RIC1: variants seen among roughly 807,000 people sequenced by gnomAD.
The protein encoded by RIC1 is RIC1 partner of RAB6A GEF complex.
A neutral mutation model predicts 169.0 loss-of-function variants in RIC1; 88 were observed. The ratio of observed to expected loss-of-function variants is 0.52; its 90% CI spans 0.44 to 0.62. The LOEUF (loss-of-function observed/expected upper bound fraction) is 0.62. Among genes scored for constraint, RIC1 ranks in the 20% least tolerant of loss-of-function variants. RIC1 has a pLI of 0.00. For synonymous variants in RIC1, 790 were observed against 601.5 expected (o/e 1.31, Z -4.59); for missense variants, 1,877 against 1,725.5 (o/e 1.09, Z -1.56).
At position 5,738,493 on chromosome 9, in the gene RIC1, A is replaced by C; in HGVS notation, c.856A>C (p.Met286Leu). 4 of 1,602,956 alleles carry C rather than the reference A, an allele frequency of 2.5e-6. No individual in the cohort carries two copies. Among genetic ancestry groups the C allele is most frequent in the Non-Finnish European group, 3.4e-6 (4 of 1,176,898 alleles). Residue 286 changes from methionine (M) to leucine (L), a missense_variant, in exon 8 of 26, where the codon ATG becomes CTG. Physicochemically the swap from Met to Leu is conservative, Grantham distance 15. Coordinates refer to ENST00000414202, the MANE Select transcript of RIC1 (RefSeq NM_020829.4). ...VYTIDNSTGA[M>L]LLSHKLELTA... ...TACAATAGATAACAGCACTGGAGCCATGCTGCTATCTCATAAATTAGAGCT... is the reference window on the plus strand; with the variant it reads ...TACAATAGATAACAGCACTGGAGCCCTGCTGCTATCTCATAAATTAGAGCT...
chr9:5,772,411 T>C (rs1827283430), intron 23 of RIC1, among the ~76,000 whole-genome samples, 153 bp from the exon 24 acceptor site: 1 of 152,232 alleles, frequency 6.6e-6, no homozygotes, highest in South Asian at 2.1e-4. Context: ...TTAAATGTTT[T>C]CTATGTTCAC....
In RIC1 at chr9:5,763,950, G is replaced by A. The variant is rs553694026; in HGVS notation, c.2841+82G>A. ...TAGAAATGTCCTGTTTTGACACCATGATTGTGTTTAAGGAATTCATAGTCA... is the reference window on the plus strand; with the variant it reads ...TAGAAATGTCCTGTTTTGACACCATAATTGTGTTTAAGGAATTCATAGTCA... On this transcript the variant is annotated intron_variant, in intron 19 of 25. Transcript: ENST00000414202. This position sits in a 1 kb window ranked among gnomAD's most constrained non-coding sequence, Gnocchi z 5.2. The A allele has an allele frequency of 6.9e-7, 1 of 1,439,614 alleles. No homozygotes were observed. Among genetic ancestry groups the A allele is most frequent in the Admixed American group, 2.3e-5 (1 of 44,036 alleles). 89.2% of individuals were successfully genotyped at this position (1,439,614 alleles called of 1,614,324 possible). A position where few individuals can be genotyped will look rare whatever the true frequency, so the allele number is the denominator to read the frequency against.
intron 10 of RIC1, among the ~76,000 whole-genome samples, chr9:5,744,417 G>A (rs953593864): frequency 1.3e-5 from 2 of 152,018 alleles, no homozygotes; most frequent in African/African-American, 4.8e-5. Flanking sequence ...AGAGAATTAT[G>A]GTCACTGTTG....
At chr9:5,684,200 A>T (rs553313347) in intron 2 of RIC1, among the ~76,000 whole-genome samples, 1 of 140,828 alleles carries the variant, frequency 7.1e-6, no homozygotes, top group South Asian at 2.3e-4. Context: ...TAAATGCAGA[A>T]ATCACCCGTC....
intron 2 of RIC1, among the ~76,000 whole-genome samples, chr9:5,678,706 G>C (rs927914334): frequency 5.3e-5 from 8 of 152,028 alleles, no homozygotes; most frequent in Non-Finnish European, 1.2e-4. Context: ...TTTTTTTCTT[G>C]TAAATTTGTT....
At chr9:5,694,263 C>G (rs961399607) in intron 3 of RIC1, among the ~76,000 whole-genome samples, 1 of 152,200 alleles carries the variant, frequency 6.6e-6, no homozygotes, top group Non-Finnish European at 1.5e-5. Flanking sequence ...GACAAGAGAT[C>G]TGAATTAGTT....
intron 11 of RIC1, 131 bp from the exon 12 acceptor site, chr9:5,747,171 A>T (rs1825426429): frequency 6.0e-6 from 4 of 672,042 alleles, no homozygotes; most frequent in Middle Eastern, 6.2e-4. Flanking sequence ...CTGTGAAGAA[A>T]ATCAACATCG....
intron 17 of RIC1, among the ~76,000 whole-genome samples, chr9:5,758,819 A>G (rs1034879967): frequency 2.2e-5 from 3 of 139,186 alleles, no homozygotes; most frequent in Non-Finnish European, 3.0e-5. Flanking sequence ...ATCTTGGCTC[A>G]GTGCAACCTC....
At chr9:5,712,703 C>T in intron 3 of RIC1, 1 of 152,172 alleles carries the variant, frequency 6.6e-6, no homozygotes, top group Non-Finnish European at 1.5e-5. Context: ...TATATTAATA[C>T]ATCGAAGACA....
chr9:5,693,316 C>T (rs1267627413), intron 3 of RIC1, among the ~76,000 whole-genome samples: 1 of 152,118 alleles, frequency 6.6e-6, no homozygotes, highest in Non-Finnish European at 1.5e-5. Context: ...TAACCTCAGA[C>T]TGCATATCCT....
intron 16 of RIC1, 73 bp downstream of exon 16, chr9:5,756,445 C>G: frequency 9.7e-7 from 1 of 1,034,782 alleles, no homozygotes; most frequent in Non-Finnish European, 1.3e-6. Flanking sequence ...TTTTTGTTTT[C>G]TCAAAACAGT....
chr9:5,716,641 A>C lies in RIC1; in HGVS notation c.440+2638A>C, dbSNP rs576385677. 3.2e-4 allele frequency among the ~76,000 whole-genome samples: 48 copies of C among 152,270 alleles called. No individual in the cohort carries two copies. In the South Asian group the frequency reaches 9.6e-3, roughly 30 times the overall value. On this transcript the variant is annotated intron_variant, in intron 4 of 25. Coordinates refer to ENST00000414202, the MANE Select transcript of RIC1 (RefSeq NM_020829.4). ...ACAAAAATTTAAGAACCAATACAGC[A>C]TGAAAAGACATGGGTTATTAGTTAT...
intron 1 of RIC1, among the ~76,000 whole-genome samples, chr9:5,640,987 A>G (rs918654494): frequency 1.3e-5 from 2 of 151,358 alleles, no homozygotes; most frequent in Non-Finnish European, 2.9e-5. Context: ...TTGGAGCTCT[A>G]TTGTATGTTA....
chr9:5,748,646 A>G (rs1825533634), intron 12 of RIC1: 1 of 152,632 alleles, frequency 6.6e-6, no homozygotes, highest in Non-Finnish European at 1.5e-5. Context: ...CTGACCTAGC[A>G]TCAATGCCAG....
chr9:5,712,229 C>A (rs1048108188), intron 3 of RIC1, among the ~76,000 whole-genome samples: 2 of 152,186 alleles, frequency 1.3e-5, no homozygotes, highest in African/African-American at 4.8e-5. Context: ...ACATCCTCTC[C>A]AGCACCTGTT....
chr9:5,670,354 G>A (rs975562819), intron 2 of RIC1, among the ~76,000 whole-genome samples: 5 of 152,148 alleles, frequency 3.3e-5, no homozygotes, highest in South Asian at 2.1e-4. Flanking sequence ...ATGCTCTTAG[G>A]GGAAAAAAAA....
chr9:5,647,980 G>GTGATGA (rs1554658189), intron 1 of RIC1, among the ~76,000 whole-genome samples: 8 of 127,418 alleles, frequency 6.3e-5, no homozygotes, highest in South Asian at 2.7e-4. Context: ...GGTGATGGTG[G>GTGATGA]TGGTGGTGGT....
rs534006555 is a variant in RIC1 at position 5,713,869 on chromosome 9, T to G, written c.333-27T>G. 3.2e-4 allele frequency: 485 copies of G among 1,531,120 alleles called. 6 individuals are homozygous for G. The South Asian group carries it at 5.2e-3, about 16-fold the overall frequency. 94.8% of individuals were successfully genotyped at this position (1,531,120 alleles called of 1,614,324 possible). A position where few individuals can be genotyped will look rare whatever the true frequency, so the allele number is the denominator to read the frequency against. On this transcript the variant is annotated intron_variant, in intron 3 of 25. Coordinates refer to ENST00000414202, the MANE Select transcript of RIC1 (RefSeq NM_020829.4). ...AGAATGGAGGCAAATTCAGCATCTT[T>G]CTTTAACTCTATGCTGTTTGTTTTA...
At chr9:5,680,028 T>G (rs139686844) in intron 2 of RIC1, among the ~76,000 whole-genome samples, 4,153 of 152,218 alleles carry the variant, frequency 0.027, 89 homozygotes, top group Middle Eastern at 0.082. Flanking sequence ...AATACCTAAT[T>G]TATTGAGAGT....
Sources: allele counts gnomAD v4.1 joint callset (sites outside exome capture counted in the v4.1 genomes callset), GRCh38; gene constraint gnomAD v4.1.1; non-coding constraint Gnocchi (gnomAD v3.1); transcripts MANE v1.5; gene names NCBI Gene and HGNC (gene_info 2026-07-23, HGNC 2026-07-21).